The following GTF2F2 variants were observed in gnomAD, a reference collection of about 807,000 sequenced individuals.
GTF2F2 encodes the protein ATP-dependent helicase GTF2F2.
In GTF2F2, 23 loss-of-function variants were observed where a neutral mutation model predicts 42.2. That is an observed-to-expected ratio of 0.55 (90% CI 0.39 to 0.77). The LOEUF is 0.77. GTF2F2 is among the 30% of genes least tolerant of loss of function. The pLI, the probability that GTF2F2 is intolerant of heterozygous loss-of-function variation, is 0.00. For missense variants in GTF2F2, 261 were observed against 287.2 expected, an observed-to-expected ratio of 0.91 and a Z score of 0.66; for synonymous variants, 105 against 100.8, an observed-to-expected ratio of 1.04 and a Z score of -0.25.
At chr13:45,273,823 A>C (rs1876908709) in intron 7 of GTF2F2, among the ~76,000 whole-genome samples, 1 of 151,806 alleles carries the variant, frequency 6.6e-6, no homozygotes. Context: ...CCCAGCTAAA[A>C]TTTTTAAGCT....
intron 5 of GTF2F2, among the ~76,000 whole-genome samples, chr13:45,236,523 ACACAC>A (rs1874996898): frequency 7.1e-6 from 1 of 140,220 alleles, no homozygotes. Flanking sequence ...ACACACACAC[ACACAC>A]AAGTTTATGA....
intron 4 of GTF2F2, among the ~76,000 whole-genome samples, chr13:45,160,619 C>T (rs1177331589): frequency 2.6e-5 from 4 of 152,256 alleles, no homozygotes; most frequent in Non-Finnish European, 5.9e-5. Flanking sequence ...CAAAAATTTA[C>T]ATTCATTAGC....
chr13:45,202,747 G>C (rs1461911646), intron 4 of GTF2F2, among the ~76,000 whole-genome samples: 1 of 152,098 alleles, frequency 6.6e-6, no homozygotes, highest in African/African-American at 2.4e-5. Context: ...GAGGTCAGGG[G>C]TTCAAGACCT....
At chr13:45,187,584 A>G (rs1028506875) in intron 4 of GTF2F2, among the ~76,000 whole-genome samples, 60 of 152,128 alleles carry the variant, frequency 3.9e-4, no homozygotes, top group South Asian at 1.2e-3. Flanking sequence ...TGTCCAGCCT[A>G]TTTTCCTTTA....
At chr13:45,273,136 C>CA (rs1421111213) in intron 7 of GTF2F2, among the ~76,000 whole-genome samples, 1 of 151,746 alleles carries the variant, frequency 6.6e-6, no homozygotes, top group Non-Finnish European at 1.5e-5. Context: ...CCATCTTGGC[C>CA]AGGCTGGTCC....
chr13:45,122,098 G>C (rs1303531018), intron 1 of GTF2F2, among the ~76,000 whole-genome samples: 1 of 152,176 alleles, frequency 6.6e-6, no homozygotes, highest in African/African-American at 2.4e-5. Context: ...AGCATGGCGT[G>C]TTGTGGAAAA....
chr13:45,221,059 T>G lies in GTF2F2; in HGVS notation c.386+13554T>G, dbSNP rs193095937. 12 of 152,244 alleles carry G rather than the reference T, an allele frequency of 7.9e-5. No individual in the cohort carries two copies. The East Asian group carries it at 1.9e-3, about 24-fold the overall frequency. 9.4% of individuals were successfully genotyped at this position (152,244 alleles called of 1,614,324 possible). On this transcript the variant is annotated intron_variant, in intron 5 of 7. Coordinates refer to ENST00000340473, the MANE Select transcript of GTF2F2 (RefSeq NM_004128.3). Reference sequence around the variant, plus strand: ...ACCTCTCTCCTGAGCTTTACACTCATGTACACCATTCCCCTTCAGAGCTCT... The same window carrying G: ...ACCTCTCTCCTGAGCTTTACACTCAGGTACACCATTCCCCTTCAGAGCTCT...
rs145182479 is a variant in GTF2F2 at position 45,219,035 on chromosome 13, G to GT, written c.386+11538dup. ...GTTGGGGGTTTTTTTGTTTTGTTTT[G>GT]TTTTTTTTAAAAAAAAGGCTGCTCA... On this transcript the variant is annotated intron_variant, in intron 5 of 7. Coordinates refer to ENST00000340473, the MANE Select transcript of GTF2F2 (RefSeq NM_004128.3). 2.4e-3 allele frequency among the ~76,000 whole-genome samples: 359 copies of GT among 150,976 alleles called. 7 individuals carry two copies. In the East Asian group the frequency reaches 0.044, roughly 18 times the overall value.
chr13:45,191,286 A>G (rs1593481551), intron 4 of GTF2F2, among the ~76,000 whole-genome samples: 1 of 143,502 alleles, frequency 7.0e-6, no homozygotes, highest in East Asian at 2.0e-4. Context: ...GGATGGTGCT[A>G]GAGTCACTGC....
intron 4 of GTF2F2, among the ~76,000 whole-genome samples, chr13:45,173,612 A>ATTTTTTTTT (rs56033747): frequency 2.1e-5 from 2 of 93,702 alleles, no homozygotes; most frequent in Non-Finnish European, 4.0e-5. Context: ...TAACTTTGTC[A>ATTTTTTTTT]TTTTTTTTTT....
intron 4 of GTF2F2, among the ~76,000 whole-genome samples, chr13:45,163,702 A>AT (rs1328570741): frequency 3.3e-5 from 5 of 152,128 alleles, no homozygotes; most frequent in African/African-American, 9.7e-5. Context: ...TAGTAGCATG[A>AT]TTTTTTCTCT....
intron 4 of GTF2F2, among the ~76,000 whole-genome samples, chr13:45,174,730 G>A (rs1158387178): frequency 6.6e-6 from 1 of 151,118 alleles, no homozygotes; most frequent in African/African-American, 2.4e-5. Context: ...GGTCAGGGAG[G>A]ACTTCAGAGG....
Position 45,210,096 on chromosome 13 carries a change from T to G in GTF2F2, c.386+2591T>G, listed in dbSNP as rs144177704. On this transcript the variant is annotated intron_variant, in intron 5 of 7. Coordinates refer to ENST00000340473, the MANE Select transcript of GTF2F2 (RefSeq NM_004128.3). ...CAGCACAGTAGCCAGGGAAGTTCTTTTAAAATCTAAGTCAGATCATGCCAT... is the reference window on the plus strand; with the variant it reads ...CAGCACAGTAGCCAGGGAAGTTCTTGTAAAATCTAAGTCAGATCATGCCAT... Among the ~76,000 whole-genome samples, 287 of 152,318 alleles carry G rather than the reference T, an allele frequency of 1.9e-3. 3 individuals carry two copies. The highest frequency in any genetic ancestry group is 6.7e-3 in the African/African-American group (277 of 41,564).
chr13:45,188,746 A>G (rs762790560), intron 4 of GTF2F2, among the ~76,000 whole-genome samples: 3 of 152,184 alleles, frequency 2.0e-5, no homozygotes, highest in Admixed American at 6.5e-5. Context: ...TCGAGAGCCC[A>G]TGTGTGTTTC....
chr13:45,228,164 GTTC>G (rs1366920890), intron 5 of GTF2F2, among the ~76,000 whole-genome samples: 1 of 151,022 alleles, frequency 6.6e-6, no homozygotes, highest in Non-Finnish European at 1.5e-5. Context: ...CTCACACACC[GTTC>G]TTCCCTTTAA....
chr13:45,191,915 TAAG>T (rs1872674793), intron 4 of GTF2F2, among the ~76,000 whole-genome samples: 1 of 152,170 alleles, frequency 6.6e-6, no homozygotes, highest in Non-Finnish European at 1.5e-5. Context: ...GTAATGCTTC[TAAG>T]GAGATCTGTT....
intron 4 of GTF2F2, among the ~76,000 whole-genome samples, chr13:45,203,016 A>G (rs1335686825): frequency 6.6e-6 from 1 of 152,184 alleles, no homozygotes; most frequent in African/African-American, 2.4e-5. Flanking sequence ...TATATGTAAG[A>G]CAAGGCCTTT....
chr13:45,181,194 A>AC lies in GTF2F2; in HGVS notation c.305-26230_305-26229insC, dbSNP rs1409238313. Among the ~76,000 whole-genome samples, 577 of 150,646 alleles carry AC rather than the reference A, an allele frequency of 3.8e-3. 5 individuals are homozygous for AC. The highest frequency in any genetic ancestry group is 0.013 in the African/African-American group (546 of 40,714). On this transcript the variant is annotated intron_variant, in intron 4 of 7. Transcript: ENST00000340473. The stretch of plus-strand genomic sequence containing the variant: ...AAGACAAAAAAACAAACAAACAAAA[A>AC]AAAAAAAAACCAGAAAAACCAAAGG...
rs1423783232 is a variant in GTF2F2, at chr13:45,212,468, TTTC to T, written c.386+4966_386+4968del. ...TCTTGTTTCTTTCTTTCTTTCTTTC[TTTC>T]TTTCTTTCTTTCTTTCTTTCTTTCT... is the stretch of plus-strand genomic sequence containing the variant. On this transcript the variant is annotated intron_variant, in intron 5 of 7. Coordinates refer to ENST00000340473, the MANE Select transcript of GTF2F2 (RefSeq NM_004128.3). Among the ~76,000 whole-genome samples, 275 of 135,140 alleles carry T rather than the reference TTTC, an allele frequency of 2.0e-3. 22 individuals are homozygous for T. The highest frequency in any genetic ancestry group is 2.8e-3 in the Admixed American group (38 of 13,544). The allele number at this position is 135,140 out of a possible 152,430, so 88.7% of individuals were successfully genotyped here. A position where few individuals can be genotyped will look rare whatever the true frequency, so the allele number is the denominator to read the frequency against.
Sources: allele counts gnomAD v4.1 joint callset (sites outside exome capture counted in the v4.1 genomes callset), GRCh38; gene constraint gnomAD v4.1.1; transcripts MANE v1.5; gene names NCBI Gene and HGNC (gene_info 2026-07-23, HGNC 2026-07-21).